The following GRM7 variants were observed in gnomAD, a reference collection of about 807,000 sequenced individuals.
The protein encoded by GRM7 is metabotropic glutamate receptor 7.
Under a neutral mutation model 84.5 loss-of-function variants are expected in GRM7, and 35 were observed. The observed-to-expected ratio is 0.41, with a 90% confidence interval of 0.32 to 0.55. The LOEUF (loss-of-function observed/expected upper bound fraction) is 0.55. Among genes scored for constraint, GRM7 ranks in the 20% least tolerant of loss-of-function variants. GRM7 has a pLI of 0.19. For missense variants in GRM7, 1,003 were observed against 1,194.6 expected (o/e 0.84, Z 2.36); for synonymous variants, 487 against 455.1 (o/e 1.07, Z -0.89).
intron 1 of GRM7, among the ~76,000 whole-genome samples, chr3:7,086,449 T>C (rs1436024186): frequency 1.3e-5 from 2 of 152,152 alleles, no homozygotes; most frequent in African/African-American, 2.4e-5. Flanking sequence ...AAGAGTTTTG[T>C]TATATTAAAG....
intron 1 of GRM7, among the ~76,000 whole-genome samples, chr3:7,059,486 C>T (rs1251960348): frequency 1.3e-5 from 2 of 151,772 alleles, no homozygotes; most frequent in African/African-American, 4.8e-5. Flanking sequence ...AAGATTCACT[C>T]ATATTTGTTC....
intron 7 of GRM7, among the ~76,000 whole-genome samples, chr3:7,544,041 C>A (rs528838820): frequency 1.3e-5 from 2 of 152,316 alleles, no homozygotes; most frequent in African/African-American, 2.4e-5. Flanking sequence ...CCAGGAGGGA[C>A]CTAGTTCATT....
chr3:7,095,797 C>T (rs1698836760), intron 1 of GRM7, among the ~76,000 whole-genome samples: 1 of 151,948 alleles, frequency 6.6e-6, no homozygotes, highest in African/African-American at 2.4e-5. Context: ...ATTTCTTCAC[C>T]AACTCTTATT....
chr3:7,142,447 G>A (rs974148122), intron 1 of GRM7, among the ~76,000 whole-genome samples: 2 of 152,056 alleles, frequency 1.3e-5, no homozygotes, highest in African/African-American at 2.4e-5. Context: ...TTCACAAGGC[G>A]GCAGGAAGAA....
At chr3:6,887,011 A>G (rs1695722143) in intron 1 of GRM7, among the ~76,000 whole-genome samples, 1 of 151,968 alleles carries the variant, frequency 6.6e-6, no homozygotes, top group African/African-American at 2.4e-5. Flanking sequence ...CTATCATTCT[A>G]CCTCTGAATT....
At chr3:7,253,636 A>G (rs896187523) in intron 2 of GRM7, among the ~76,000 whole-genome samples, 1 of 150,666 alleles carries the variant, frequency 6.6e-6, no homozygotes, top group African/African-American at 2.5e-5. Context: ...AAAAAAAAAA[A>G]AAATCACTAA....
chr3:7,528,663 T>G (rs138161357), intron 7 of GRM7, among the ~76,000 whole-genome samples: 234 of 152,260 alleles, frequency 1.5e-3, no homozygotes, highest in African/African-American at 5.3e-3. Context: ...CACTATAAAC[T>G]TTCCTCTTAA....
chr3:7,636,855 C>G (rs959615877), intron 8 of GRM7, among the ~76,000 whole-genome samples: 1 of 152,102 alleles, frequency 6.6e-6, no homozygotes, highest in African/African-American at 2.4e-5. Flanking sequence ...GTGTTGCAGA[C>G]CTGTCAGGGT....
At chr3:7,626,388 G>T (rs906468707) in intron 8 of GRM7, among the ~76,000 whole-genome samples, 2 of 152,156 alleles carry the variant, frequency 1.3e-5, no homozygotes, top group Admixed American at 6.5e-5. Flanking sequence ...TCGCCATGTG[G>T]GCATCCTCTC....
chr3:7,223,621 C>T (rs1696883699), intron 2 of GRM7, among the ~76,000 whole-genome samples: 1 of 151,966 alleles, frequency 6.6e-6, no homozygotes, highest in South Asian at 2.1e-4. Context: ...TTCCTATATA[C>T]TCATCTGTAC....
intron 1 of GRM7, among the ~76,000 whole-genome samples, chr3:7,016,743 A>G (rs561790220): frequency 6.6e-6 from 1 of 152,322 alleles, no homozygotes; most frequent in East Asian, 1.9e-4. Flanking sequence ...CAACATTCGA[A>G]GTACAATATG....
At chr3:7,523,478 C>A (rs564769423) in intron 7 of GRM7, among the ~76,000 whole-genome samples, 1 of 152,066 alleles carries the variant, frequency 6.6e-6, no homozygotes, top group Non-Finnish European at 1.5e-5. Flanking sequence ...CAGGCATCTC[C>A]GAGCTGGTAG....
chr3:7,077,584 C>CTGGGGGGGGGGGGGGGGGT (rs1698136845), intron 1 of GRM7, among the ~76,000 whole-genome samples: 1 of 66,680 alleles, frequency 1.5e-5, no homozygotes, highest in Non-Finnish European at 3.0e-5. Flanking sequence ...GGGTGGGGGG[C>CTGGGGGGGGGGGGGGGGGT]TAGGGGAGGG....
chr3:7,175,610 T>G (rs1439579997), intron 2 of GRM7, among the ~76,000 whole-genome samples: 4 of 151,922 alleles, frequency 2.6e-5, no homozygotes, highest in Admixed American at 6.6e-5. Context: ...TGATCTCGGC[T>G]CACTGCAACC....
chr3:7,353,734 A>G (rs573945547), intron 4 of GRM7, among the ~76,000 whole-genome samples: 2 of 152,262 alleles, frequency 1.3e-5, no homozygotes, highest in South Asian at 4.1e-4. Context: ...GGTGGGAACC[A>G]CAGTCACTCA....
intron 8 of GRM7, among the ~76,000 whole-genome samples, chr3:7,602,382 C>G (rs1002291619): frequency 1.3e-5 from 2 of 152,116 alleles, no homozygotes; most frequent in African/African-American, 4.8e-5. Flanking sequence ...TCTGTTTTCT[C>G]ATGTTTTGTT....
chr3:7,340,224 A>G (rs746055609), intron 4 of GRM7, among the ~76,000 whole-genome samples: 1 of 152,080 alleles, frequency 6.6e-6, no homozygotes, highest in Non-Finnish European at 1.5e-5. Context: ...AATATAGTAC[A>G]TTTTCAATAA....
rs1017263519 is a variant in GRM7 at position 6,877,822 on chromosome 3, C to T, written c.519+15915C>T. 2.4e-5 allele frequency among the ~76,000 whole-genome samples: 3 copies of T among 126,002 alleles called. No homozygotes were observed. The Admixed American group carries it at 2.7e-4, about 12-fold the overall frequency. The allele number at this position is 126,002 out of a possible 152,430, so 82.7% of individuals were successfully genotyped here. A position where few individuals can be genotyped will look rare whatever the true frequency, so the allele number is the denominator to read the frequency against. On this transcript the variant is annotated intron_variant, in intron 1 of 9. Transcript: ENST00000357716. ...CCTACACAGATATCACACACACACA[C>T]ACACACACACACACACACACACACA...
At chr3:7,452,398 G>GTAAAATA (rs1697808419) in intron 5 of GRM7, among the ~76,000 whole-genome samples, 2 of 152,106 alleles carry the variant, frequency 1.3e-5, no homozygotes, top group African/African-American at 4.8e-5. Flanking sequence ...AATACTACAA[G>GTAAAATA]CTATTAGAGA....
Sources: allele counts gnomAD v4.1 joint callset (sites outside exome capture counted in the v4.1 genomes callset), GRCh38; gene constraint gnomAD v4.1.1; transcripts MANE v1.5; gene names NCBI Gene and HGNC (gene_info 2026-07-23, HGNC 2026-07-21).